CTNNB1: variants seen among roughly 807,000 people sequenced by gnomAD.
CTNNB1 encodes catenin beta-1.
CTNNB1 carries 6 observed loss-of-function variants against 82.5 expected under a neutral mutation model. The observed-to-expected ratio is 0.07, with a 90% CI of 0.04 to 0.14. CTNNB1 has a LOEUF of 0.14. CTNNB1 is among the 10% of genes least tolerant of loss of function. The pLI, the probability that CTNNB1 is intolerant of heterozygous loss-of-function variation, is 1.00. For synonymous variants in CTNNB1, 312 were observed against 329.7 expected, an observed-to-expected ratio of 0.95 and a Z score of 0.58; for missense variants, 529 against 980.4, an observed-to-expected ratio of 0.54 and a Z score of 6.15.
Position 41,215,213 on chromosome 3 carries a change from TAAAAAAAAAA to T in CTNNB1, c.-48-8792_-48-8783del, listed in dbSNP as rs10576683. On this transcript the variant is annotated intron_variant, in intron 1 of 14. Coordinates refer to ENST00000349496, the MANE Select transcript of CTNNB1 (RefSeq NM_001904.4). ...CAAGATGGTGAAACCCTGTCTCCAT[TAAAAAAAAAA>T]AAAAAAAAAAAAAAATAGCTGGGGT... is the stretch of plus-strand genomic sequence containing the variant. 7.8e-3 allele frequency among the ~76,000 whole-genome samples: 597 copies of T among 76,180 alleles called. 5 individuals carry two copies. The highest frequency in any genetic ancestry group is 0.029 in the African/African-American group (555 of 19,232). 50.0% of individuals were successfully genotyped at this position (76,180 alleles called of 152,430 possible).
At chr3:41,221,299 G>A (rs940880049) in intron 1 of CTNNB1, 9 of 151,502 alleles carry the variant, frequency 5.9e-5, no homozygotes, top group South Asian at 2.1e-4. Flanking sequence ...GCTGTATAGC[G>A]TGTTACTATA....
intron 11 of CTNNB1, 54 bp downstream of exon 11, chr3:41,235,897 T>C: frequency 1.3e-6 from 2 of 1,595,116 alleles, no homozygotes; most frequent in South Asian, 1.1e-5. Flanking sequence ...TTCCAGATTG[T>C]AATGACTAAT....
chr3:41,226,731 A>G (rs1429577972), intron 6 of CTNNB1, among the ~76,000 whole-genome samples: 2 of 152,128 alleles, frequency 1.3e-5, no homozygotes, highest in Non-Finnish European at 1.5e-5. Context: ...AAGGGAAGAT[A>G]TACAGGGAAT....
intron 7 of CTNNB1, among the ~76,000 whole-genome samples, chr3:41,230,971 A>AG (rs1252717154): frequency 1.3e-5 from 2 of 152,350 alleles, no homozygotes; most frequent in African/African-American, 4.8e-5. Flanking sequence ...GTGTTGGGCT[A>AG]CATTCAGAGC....
chr3:41,209,726 T>C (rs2077734042), intron 1 of CTNNB1, among the ~76,000 whole-genome samples: 1 of 152,200 alleles, frequency 6.6e-6, no homozygotes, highest in Admixed American at 6.5e-5. Context: ...TATTTTTATC[T>C]AAACGTATTG....
rs767491256 is a variant in CTNNB1 at position 41,233,547 on chromosome 3, C to T, written c.1204C>T (p.Leu402Phe). The T allele has an allele frequency of 1.9e-6, 3 of 1,614,158 alleles. No homozygotes were observed. The highest frequency in any genetic ancestry group is 4.5e-5 in the East Asian group (2 of 44,880). The change falls in exon 9 of 15, where the codon CTT becomes TTT. Residue 402 changes from leucine (L) to phenylalanine (F), a missense_variant. Physicochemically the swap from Leu to Phe is conservative, Grantham distance 22. Around this residue, in one of 4 missense-constraint regions of CTNNB1, gnomAD observed 411 missense variants for 776.4 expected, o/e 0.53. Transcript: ENST00000349496. ...ATKQEGMEGL[L>F]GTLVQLLGSD... ...TCCATAGGAAGGGATGGAAGGTCTC[C>T]TTGGGACTCTTGTTCAGCTTCTGGG... is the stretch of plus-strand genomic sequence containing the variant.
chr3:41,225,939 T>C lies in CTNNB1; in HGVS notation c.936+78T>C, dbSNP rs1026503029. The C allele has an allele frequency of 1.4e-5, 19 of 1,405,906 alleles. No homozygotes were observed. Among genetic ancestry groups the C allele is most frequent in the Middle Eastern group, 2.5e-4 (1 of 4,066 alleles). 87.1% of individuals were successfully genotyped at this position (1,405,906 alleles called of 1,614,324 possible). On this transcript the variant is annotated intron_variant, in intron 6 of 14. Coordinates refer to ENST00000349496, the MANE Select transcript of CTNNB1 (RefSeq NM_001904.4). The surrounding 1 kb of genome is among the most constrained non-coding windows in gnomAD (Gnocchi z 5.3). ...GTCATGTCATTCCATGCAGTGTTCC[T>C]AACCTTTTTGGCACCAGGGACCAGT...
chr3:41,224,133 A>G, intron 2 of CTNNB1, 52 bp downstream of exon 2: 1 of 1,605,730 alleles, frequency 6.2e-7, no homozygotes, highest in African/African-American at 1.3e-5. Flanking sequence ...CTTCGTTGCC[A>G]TTAAGCCAGT....
intron 9 of CTNNB1, 33 bp downstream of exon 9, chr3:41,233,900 C>A (rs777223136): frequency 6.2e-7 from 1 of 1,604,514 alleles, no homozygotes; most frequent in Non-Finnish European, 8.5e-7. Context: ...ACCTTTGTTG[C>A]AGAATTGAAA....
intron 2 of CTNNB1, 21 bp from the exon 3 acceptor site, chr3:41,224,505 A>G: frequency 6.3e-7 from 1 of 1,595,516 alleles, no homozygotes; most frequent in South Asian, 1.1e-5. Flanking sequence ...TACTAATGCT[A>G]ATACTGTTTC....
At chr3:41,206,448 A>G (rs1395935593) in intron 1 of CTNNB1, among the ~76,000 whole-genome samples, 1 of 152,186 alleles carries the variant, frequency 6.6e-6, no homozygotes, top group East Asian at 1.9e-4. Context: ...ACCTTATTGG[A>G]TGTCCATATA....
chr3:41,200,051 G>T (rs2077487661), intron 1 of CTNNB1: 1 of 140,460 alleles, frequency 7.1e-6, no homozygotes, highest in Non-Finnish European at 1.6e-5. Context: ...GGGATGCGCC[G>T]GGCCCTGGGT....
intron 7 of CTNNB1, among the ~76,000 whole-genome samples, chr3:41,230,853 G>T (rs1357424795): frequency 1.3e-5 from 2 of 152,182 alleles, no homozygotes; most frequent in Non-Finnish European, 2.9e-5. Context: ...ATTGGAAGAA[G>T]AATAATTGTC....
chr3:41,211,047 C>T (rs1470396703), intron 1 of CTNNB1: 2 of 456,588 alleles, frequency 4.4e-6, no homozygotes, highest in East Asian at 1.4e-4. Context: ...CCCACTTTGG[C>T]CTCACAAAGT....
At chr3:41,215,677 T>C (rs2077900323) in intron 1 of CTNNB1, among the ~76,000 whole-genome samples, 1 of 152,156 alleles carries the variant, frequency 6.6e-6, no homozygotes, top group Non-Finnish European at 1.5e-5. Context: ...AGGGAAACTC[T>C]TACAACACGT....
chr3:41,215,349 CT>C (rs1345124872), intron 1 of CTNNB1, among the ~76,000 whole-genome samples: 2 of 140,776 alleles, frequency 1.4e-5, no homozygotes, highest in African/African-American at 5.3e-5. Flanking sequence ...CGCCACTGCA[CT>C]CCAGCCTGGG....
chr3:41,235,058 A>G (rs1404676497), intron 10 of CTNNB1: 2 of 154,004 alleles, frequency 1.3e-5, no homozygotes, highest in Non-Finnish European at 2.9e-5. Flanking sequence ...GGCACCTTTT[A>G]TTTTAAATCT....
chr3:41,230,387 C>T (rs1235012672), intron 7 of CTNNB1, among the ~76,000 whole-genome samples: 4 of 152,140 alleles, frequency 2.6e-5, no homozygotes, highest in Non-Finnish European at 4.4e-5. Context: ...GATAGCTGGA[C>T]ATGTATGGGA....
At chr3:41,207,840 G>A (rs1320193233) in intron 1 of CTNNB1, among the ~76,000 whole-genome samples, 1 of 152,150 alleles carries the variant, frequency 6.6e-6, no homozygotes, top group Non-Finnish European at 1.5e-5. Context: ...TTCCCTTGCA[G>A]CTCTCTCAAG....
Sources: gnomAD v4.1 joint callset for allele counts (sites outside exome capture counted in the v4.1 genomes callset) on GRCh38, gnomAD v4.1.1 for gene constraint, gnomAD v4.1.1 regional missense constraint, Gnocchi (gnomAD v3.1) non-coding constraint, MANE v1.5 for transcripts, NCBI Gene and HGNC (gene_info 2026-07-23, HGNC 2026-07-21) for gene names.